KHDRBS2: variants seen among roughly 807,000 people sequenced by gnomAD.
KHDRBS2 encodes the protein KH domain-containing, RNA-binding, signal transduction-associated protein 2.
A neutral mutation model predicts 44.3 loss-of-function variants in KHDRBS2; 26 were observed. The observed-to-expected ratio is 0.59, with a 90% CI of 0.43 to 0.81. The LOEUF is 0.81. KHDRBS2 is among the 40% of genes least tolerant of loss of function. The probability of loss-of-function intolerance (pLI) is 0.00; values close to 1 mark genes in which losing one functional copy is unlikely to be tolerated. For synonymous variants in KHDRBS2, 194 were observed against 151.1 expected, an observed-to-expected ratio of 1.28 and a Z score of -2.08; for missense variants, 476 against 433.1, an observed-to-expected ratio of 1.10 and a Z score of -0.88.
chr6:61,968,082 C>T (rs2127397598), intron 4 of KHDRBS2, among the ~76,000 whole-genome samples: 1 of 151,666 alleles, frequency 6.6e-6, no homozygotes, highest in South Asian at 2.1e-4. Flanking sequence ...GATCTTTAAG[C>T]TTTAGAATGT....
intron 4 of KHDRBS2, among the ~76,000 whole-genome samples, chr6:61,913,584 T>TA (rs902929252): frequency 3.3e-5 from 5 of 151,548 alleles, no homozygotes; most frequent in African/African-American, 7.3e-5. Flanking sequence ...AAAAATACAG[T>TA]AAAAAATCCC....
Position 62,050,258 on chromosome 6 carries a change from G to A in KHDRBS2, c.220-2264C>T, listed in dbSNP as rs542275202. 4.0e-4 allele frequency among the ~76,000 whole-genome samples: 61 copies of A among 151,966 alleles called. 1 individual carries two copies. Among genetic ancestry groups the A allele is most frequent in the African/African-American group, 1.2e-3 (48 of 41,482 alleles). On this transcript the variant is annotated intron_variant, in intron 2 of 8. Transcript: ENST00000281156. ...AGTTGAACAATGAGAATACATGCAC[G>A]CAGGGAGGGGAACATCACACACCAG...
At chr6:61,794,990 T>C (rs1191753578) in intron 6 of KHDRBS2, among the ~76,000 whole-genome samples, 1 of 151,316 alleles carries the variant, frequency 6.6e-6, no homozygotes, top group African/African-American at 2.4e-5. Flanking sequence ...AATACAAAAA[T>C]TAGCTGGGCA....
At chr6:61,729,126 AC>A (rs1774033964) in intron 7 of KHDRBS2, among the ~76,000 whole-genome samples, 1 of 152,204 alleles carries the variant, frequency 6.6e-6, no homozygotes, top group Non-Finnish European at 1.5e-5. Context: ...GTAGATATAC[AC>A]CATGGAATAC....
At chr6:61,650,412 T>G in the KHDRBS2 span, among the ~76,000 whole-genome samples, 3 of 151,038 alleles carry the variant, frequency 2.0e-5, no homozygotes, top group Non-Finnish European at 4.4e-5. Flanking sequence ...AAAAAATGTT[T>G]TTTTTTTTTA....
chr6:62,096,541 T>C (rs896489326), intron 2 of KHDRBS2, among the ~76,000 whole-genome samples: 1 of 151,922 alleles, frequency 6.6e-6, no homozygotes, highest in African/African-American at 2.4e-5. Flanking sequence ...AGTGATTCTT[T>C]GTATTTCTAA....
At chr6:61,759,715 G>A (rs1318243006) in intron 6 of KHDRBS2, among the ~76,000 whole-genome samples, 1 of 152,100 alleles carries the variant, frequency 6.6e-6, no homozygotes, top group Non-Finnish European at 1.5e-5. Flanking sequence ...TTGTTAGCAC[G>A]ATTCAGCCTC....
chr6:61,822,627 A>G (rs535924557), intron 6 of KHDRBS2, among the ~76,000 whole-genome samples: 4 of 151,884 alleles, frequency 2.6e-5, no homozygotes, highest in Non-Finnish European at 5.9e-5. Flanking sequence ...AATCACCCTA[A>G]AATTTTTCTT....
At chr6:62,095,325 C>T (rs1482403034) in intron 2 of KHDRBS2, among the ~76,000 whole-genome samples, 2 of 151,772 alleles carry the variant, frequency 1.3e-5, no homozygotes, top group Non-Finnish European at 3.0e-5. Context: ...AAAGACTGCA[C>T]ATACAAAGGT....
chr6:61,810,723 A>G (rs1296770620), intron 6 of KHDRBS2, among the ~76,000 whole-genome samples: 2 of 152,126 alleles, frequency 1.3e-5, no homozygotes, highest in Non-Finnish European at 2.9e-5. Flanking sequence ...CTTATAGAAT[A>G]TTTAGAGAGG....
the KHDRBS2 span, among the ~76,000 whole-genome samples, chr6:61,596,638 T>TTTTAA: frequency 6.6e-6 from 1 of 152,090 alleles, no homozygotes; most frequent in Admixed American, 6.6e-5. Context: ...GTACTTCTTT[T>TTTTAA]TTTAATTTAA....
At chr6:61,581,355 T>C in the KHDRBS2 span, among the ~76,000 whole-genome samples, 1 of 152,096 alleles carries the variant, frequency 6.6e-6, no homozygotes, top group Non-Finnish European at 1.5e-5. Flanking sequence ...AGTTATTTTA[T>C]TTAATCTGTG....
In KHDRBS2 at chr6:62,240,670, GTGTATA is replaced by G. The variant is rs1276824147; in HGVS notation, c.91+45182_91+45187del. ...TGTGTATGTGTGTATGTATGTGTGT[GTGTATA>G]TATATATATATATATATATATATAT... On this transcript the variant is annotated intron_variant, in intron 1 of 8. Coordinates refer to ENST00000281156, the MANE Select transcript of KHDRBS2 (RefSeq NM_152688.4). Among the ~76,000 whole-genome samples the G allele has an allele frequency of 5.8e-3, 359 of 62,422 alleles. 1 individual carries two copies. The highest frequency in any genetic ancestry group is 9.0e-3 in the Non-Finnish European group (263 of 29,368). The allele number at this position is 62,422 out of a possible 152,430, so 41.0% of individuals were successfully genotyped here. A position where few individuals can be genotyped will look rare whatever the true frequency, so the allele number is the denominator to read the frequency against.
intron 2 of KHDRBS2, among the ~76,000 whole-genome samples, chr6:62,057,125 A>G (rs1170588892): frequency 6.6e-6 from 1 of 150,916 alleles, no homozygotes; most frequent in Non-Finnish European, 1.5e-5. Flanking sequence ...ATATAAAAGT[A>G]TTTTAAGTAA....
At chr6:61,940,896 G>A (rs994732209) in intron 4 of KHDRBS2, among the ~76,000 whole-genome samples, 9 of 152,188 alleles carry the variant, frequency 5.9e-5, no homozygotes, top group African/African-American at 9.7e-5. Flanking sequence ...GGGCTGAGTC[G>A]TGAGTATGGG....
chr6:62,225,411 G>A lies in KHDRBS2; in HGVS notation c.92-48099C>T, dbSNP rs186559914. Reference sequence around the variant, plus strand: ...ACTTAATCTATTAATCAGCTATTCAGATTTCCTGAAAAGACTTTTTAAATT... The same window carrying A: ...ACTTAATCTATTAATCAGCTATTCAAATTTCCTGAAAAGACTTTTTAAATT... On this transcript the variant is annotated intron_variant, in intron 1 of 8. Transcript: ENST00000281156. Among the ~76,000 whole-genome samples, 229 of 152,282 alleles carry A rather than the reference G, an allele frequency of 1.5e-3. 1 individual carries two copies. Among genetic ancestry groups the A allele is most frequent in the African/African-American group, 5.3e-3 (222 of 41,552 alleles).
intron 6 of KHDRBS2, among the ~76,000 whole-genome samples, chr6:61,795,540 A>T (rs534643212): frequency 5.2e-4 from 79 of 152,132 alleles, no homozygotes; most frequent in African/African-American, 1.8e-3. Context: ...AATTATATTT[A>T]AAAAAATCAA....
At chr6:62,015,888 T>C (rs1781120865) in intron 3 of KHDRBS2, among the ~76,000 whole-genome samples, 1 of 152,182 alleles carries the variant, frequency 6.6e-6, no homozygotes, top group Non-Finnish European at 1.5e-5. Context: ...TGTTTGAAGA[T>C]TTTCCTTCCT....
intron 1 of KHDRBS2, among the ~76,000 whole-genome samples, chr6:62,199,938 A>G (rs1341056137): frequency 2.6e-5 from 4 of 152,222 alleles, no homozygotes; most frequent in Non-Finnish European, 4.4e-5. Flanking sequence ...CCACATATCT[A>G]CAACTATCTG....
Sources: gnomAD v4.1 joint callset for allele counts (sites outside exome capture counted in the v4.1 genomes callset) on GRCh38, gnomAD v4.1.1 for gene constraint, MANE v1.5 for transcripts, NCBI Gene and HGNC (gene_info 2026-07-23, HGNC 2026-07-21) for gene names.